The following GTF2I variants were observed in gnomAD, a reference collection of about 807,000 sequenced individuals.
GTF2I encodes the protein general transcription factor IIi.
GTF2I carries 12 observed loss-of-function variants against 67.6 expected under a neutral mutation model. The ratio of observed to expected loss-of-function variants is 0.18; its 90% CI spans 0.11 to 0.29. The LOEUF (loss-of-function observed/expected upper bound fraction) is 0.29, where lower values mean the gene tolerates loss of function less well. GTF2I is among the 10% of genes least tolerant of loss of function. The pLI, the probability that GTF2I is intolerant of heterozygous loss-of-function variation, is 1.00. For synonymous variants in GTF2I, 149 were observed against 197.0 expected, an observed-to-expected ratio of 0.76 and a Z score of 2.04; for missense variants, 271 against 580.1, an observed-to-expected ratio of 0.47 and a Z score of 5.47.
At chr7:74,672,999 T>G (rs1187498250) in intron 1 of GTF2I, among the ~76,000 whole-genome samples, 2 of 152,140 alleles carry the variant, frequency 1.3e-5, no homozygotes, top group African/African-American at 4.8e-5. Context: ...TAGCTGGGAC[T>G]ACAGGCGCGT....
At position 74,658,039 on chromosome 7, in the gene GTF2I, C is replaced by T. The variant is rs1157967793; in HGVS notation, c.-35C>T. ...TCGCCTCCCCTCGGCACCCCCGGCCCCGGAGCTGCCTGGAGGCGGCCGCAC... is the reference window on the plus strand; with the variant it reads ...TCGCCTCCCCTCGGCACCCCCGGCCTCGGAGCTGCCTGGAGGCGGCCGCAC... On this transcript the variant is annotated 5_prime_UTR_variant, in exon 1 of 35. Transcript: ENST00000573035. 2.0e-5 allele frequency: 3 copies of T among 151,850 alleles called. No homozygotes were observed. The highest frequency in any genetic ancestry group is 3.9e-4 in the East Asian group (2 of 5,122). The allele number at this position is 151,850 out of a possible 1,614,324, so 9.4% of individuals were successfully genotyped here.
rs1562983465 is a variant in GTF2I, at chr7:74,732,558, A to C, written c.1200A>C (p.Glu400Asp). 3 of 1,605,458 alleles carry C rather than the reference A, an allele frequency of 1.9e-6. No homozygotes were observed. Among genetic ancestry groups the C allele is most frequent in the Non-Finnish European group, 2.5e-6 (3 of 1,177,560 alleles). The change falls in exon 15 of 35, where the codon GAA becomes GAC. Residue 400 changes from glutamate to aspartate, a missense_variant. Around this residue, in one of 9 missense-constraint regions of GTF2I, gnomAD observed 4 missense variants for 33.8 expected, o/e 0.12. Coordinates refer to ENST00000573035, the MANE Select transcript of GTF2I (RefSeq NM_032999.4). ...FQSHVEDLYV[E>D]GLPEGIPFRR... ...CTCATGTTGAAGATCTTTATGTAGA[A>C]GGACTTCCTGAAGGAATTCCTTTTA... is the stretch of plus-strand genomic sequence containing the variant.
At chr7:74,670,239 G>A (rs1423377809) in intron 1 of GTF2I, among the ~76,000 whole-genome samples, 2 of 152,160 alleles carry the variant, frequency 1.3e-5, no homozygotes, top group Non-Finnish European at 2.9e-5. Flanking sequence ...TAAGTATGCA[G>A]ACTGTTGTCA....
chr7:74,664,064 G>C (rs587674584), intron 1 of GTF2I, among the ~76,000 whole-genome samples: 1 of 152,098 alleles, frequency 6.6e-6, no homozygotes, highest in African/African-American at 2.4e-5. Context: ...CCTGACCTCA[G>C]GTGATCTGCC....
intron 1 of GTF2I, among the ~76,000 whole-genome samples, chr7:74,677,436 A>G (rs1438350498): frequency 6.6e-6 from 1 of 152,126 alleles, no homozygotes; most frequent in African/African-American, 2.4e-5. Context: ...CTGTTAGTGT[A>G]TACATTCAAG....
intron 3 of GTF2I, among the ~76,000 whole-genome samples, chr7:74,698,692 G>A (rs187253168): frequency 1.3e-5 from 2 of 152,196 alleles, no homozygotes; most frequent in East Asian, 1.9e-4. Context: ...AATTACAGGC[G>A]TGAGCCCTTG....
rs587627849 is a variant in GTF2I, at chr7:74,716,872, ATGT to A, written c.824-17_824-15del. The A allele has an allele frequency of 6.1e-4, 935 of 1,538,478 alleles. 20 individuals are homozygous for A. The South Asian group carries it at 0.01, about 16-fold the overall frequency. On this transcript the variant is annotated intron_variant, in intron 10 of 34. Transcript: ENST00000573035. ...ATGTCAGTTTTTATTGGTTTATTAT[ATGT>A]TGTTTATTTTCTTTTTAGGAAGCCA...
chr7:74,715,560 C>T (rs1792154665), intron 10 of GTF2I, among the ~76,000 whole-genome samples: 1 of 151,986 alleles, frequency 6.6e-6, no homozygotes, highest in African/African-American at 2.4e-5. Context: ...ACCTACTGGC[C>T]TCATCATTTC....
intron 12 of GTF2I, among the ~76,000 whole-genome samples, chr7:74,720,408 A>G (rs1334846797): frequency 6.6e-6 from 1 of 152,202 alleles, no homozygotes; most frequent in Non-Finnish European, 1.5e-5. Flanking sequence ...ATATAAGTCA[A>G]TTAGTAGCTT....
rs1480790883 is a variant in GTF2I, at chr7:74,725,795, G to T, written c.944-2991G>T. ...TCCCTGATATTTTCAATATTTTACA[G>T]TCTTTGTTGTATTAAAAAAGCACTC... On this transcript the variant is annotated intron_variant, in intron 12 of 34. Coordinates refer to ENST00000573035, the MANE Select transcript of GTF2I (RefSeq NM_032999.4). 4.0e-5 allele frequency among the ~76,000 whole-genome samples: 6 copies of T among 151,412 alleles called. No individual in the cohort carries two copies. In the East Asian group the frequency reaches 1.2e-3, roughly 29 times the overall value.
chr7:74,681,769 A>C (rs1054659171), intron 1 of GTF2I, among the ~76,000 whole-genome samples: 2 of 151,946 alleles, frequency 1.3e-5, no homozygotes, highest in South Asian at 4.1e-4. Context: ...AAAATTAGTC[A>C]GACGTGGTGG....
intron 2 of GTF2I, 140 bp from the exon 3 acceptor site, chr7:74,690,833 C>T: frequency 2.6e-6 from 2 of 757,132 alleles, no homozygotes; most frequent in East Asian, 2.7e-5. Context: ...TCTGTGTTGT[C>T]TTTTGTTTAA....
chr7:74,680,257 AAG>A (rs1386056596), intron 1 of GTF2I, among the ~76,000 whole-genome samples: 3 of 150,222 alleles, frequency 2.0e-5, no homozygotes, highest in Non-Finnish European at 4.4e-5. Context: ...ATTTAAATAA[AAG>A]AGTGTTCTAG....
intron 12 of GTF2I, among the ~76,000 whole-genome samples, chr7:74,722,046 T>A (rs1554404712): frequency 6.6e-6 from 1 of 152,116 alleles, no homozygotes; most frequent in Non-Finnish European, 1.5e-5. Context: ...ATTTCCCAAA[T>A]CATTGGTAGA....
intron 1 of GTF2I, among the ~76,000 whole-genome samples, chr7:74,671,931 C>T (rs1461520186): frequency 6.6e-6 from 1 of 151,916 alleles, no homozygotes; most frequent in Non-Finnish European, 1.5e-5. Context: ...CTACAATGAG[C>T]CATGTCCCTG....
At chr7:74,658,710 C>T (rs1804177094) in intron 1 of GTF2I, among the ~76,000 whole-genome samples, 1 of 151,248 alleles carries the variant, frequency 6.6e-6, no homozygotes. Context: ...GTGGAGTCCG[C>T]AGTGGGCTTT....
At chr7:74,694,862 A>T (rs1171518336) in intron 3 of GTF2I, among the ~76,000 whole-genome samples, 2 of 152,200 alleles carry the variant, frequency 1.3e-5, no homozygotes, top group Non-Finnish European at 2.9e-5. Flanking sequence ...GCCGCTGGTT[A>T]CTTTGAAGCC....
At chr7:74,711,583 G>C (rs1246315678) in intron 9 of GTF2I, among the ~76,000 whole-genome samples, 1 of 151,964 alleles carries the variant, frequency 6.6e-6, no homozygotes, top group Non-Finnish European at 1.5e-5. Context: ...GTGTCCCCTT[G>C]TTATTCATTG....
intron 12 of GTF2I, among the ~76,000 whole-genome samples, chr7:74,724,713 G>C (rs748888974): frequency 6.6e-6 from 1 of 152,140 alleles, no homozygotes; most frequent in Non-Finnish European, 1.5e-5. Context: ...CTGAGGTCAG[G>C]AGTTTGAGAC....
Sources: gnomAD v4.1 joint callset for allele counts (sites outside exome capture counted in the v4.1 genomes callset) on GRCh38, gnomAD v4.1.1 for gene constraint, gnomAD v4.1.1 regional missense constraint, MANE v1.5 for transcripts, NCBI Gene and HGNC (gene_info 2026-07-23, HGNC 2026-07-21) for gene names.